Variants in ANKRD28 observed in about 807,000 individuals in gnomAD.
ANKRD28 encodes the protein serine/threonine-protein phosphatase 6 regulatory ankyrin repeat subunit A.
A neutral mutation model predicts 126.5 loss-of-function variants in ANKRD28; 44 were observed. The ratio of observed to expected loss-of-function variants is 0.35; its 90% CI spans 0.27 to 0.45. The LOEUF (loss-of-function observed/expected upper bound fraction) is 0.45, where lower values mean the gene tolerates loss of function less well. ANKRD28 is among the 20% of genes least tolerant of loss of function. The pLI, the probability that ANKRD28 is intolerant of heterozygous loss-of-function variation, is 1.00. For synonymous variants in ANKRD28, 442 were observed against 468.5 expected (o/e 0.94, Z 0.73); for missense variants, 1,110 against 1,316.6 (o/e 0.84, Z 2.43).
intron 2 of ANKRD28, among the ~76,000 whole-genome samples, chr3:15,777,885 CA>C (rs1575642498): frequency 9.9e-5 from 15 of 151,460 alleles, no homozygotes; most frequent in East Asian, 7.8e-4. Context: ...CACACACACA[CA>C]CACACACACA....
intron 14 of ANKRD28, among the ~76,000 whole-genome samples, chr3:15,697,605 T>G (rs957575879): frequency 6.6e-6 from 1 of 151,782 alleles, no homozygotes; most frequent in Non-Finnish European, 1.5e-5. Flanking sequence ...TGAAGCCGAG[T>G]TGATTGTGGT....
intron 1 of ANKRD28, among the ~76,000 whole-genome samples, chr3:15,811,932 T>A (rs1435528819): frequency 6.6e-6 from 1 of 150,958 alleles, no homozygotes; most frequent in Non-Finnish European, 1.5e-5. Flanking sequence ...GGTGGGTGGA[T>A]CACTTCAGTT....
chr3:15,859,188 C>A (rs1322874044), intron 1 of ANKRD28, among the ~76,000 whole-genome samples: 5 of 152,236 alleles, frequency 3.3e-5, no homozygotes, highest in Non-Finnish European at 5.9e-5. Context: ...CACCCAGGCC[C>A]CGGCAGCTCT....
intron 3 of ANKRD28, among the ~76,000 whole-genome samples, chr3:15,752,236 C>T (rs768090081): frequency 3.3e-5 from 5 of 151,966 alleles, no homozygotes; most frequent in Non-Finnish European, 4.4e-5. Flanking sequence ...GAATATATCA[C>T]GCCATAAGGT....
At chr3:15,773,613 T>C (rs1311960757) in intron 2 of ANKRD28, among the ~76,000 whole-genome samples, 1 of 151,460 alleles carries the variant, frequency 6.6e-6, no homozygotes, top group Non-Finnish European at 1.5e-5. Context: ...TAAGACTCCA[T>C]GTCAAAAAAG....
rs760722514 is a variant in ANKRD28, at chr3:15,815,974, C to A, written c.28-20668G>T. On this transcript the variant is annotated intron_variant, in intron 1 of 27. Transcript: ENST00000399451. This position sits in a 1 kb window ranked among gnomAD's most constrained non-coding sequence, Gnocchi z 4.1. ...TCTTCCCTGAGTCATGTATTTTAAA[C>A]AAAGGTTTCAAATAGAAGAGGCTTT... 1.8e-4 allele frequency among the ~76,000 whole-genome samples: 27 copies of A among 152,086 alleles called. No homozygotes were observed. The highest frequency in any genetic ancestry group is 3.5e-4 in the Non-Finnish European group (24 of 68,008).
chr3:15,803,079 TAGAG>T (rs2060496930), intron 1 of ANKRD28, among the ~76,000 whole-genome samples: 1 of 152,210 alleles, frequency 6.6e-6, no homozygotes, highest in Non-Finnish European at 1.5e-5. Flanking sequence ...GGTCATGTGA[TAGAG>T]AGGCCTTGTA....
intron 18 of ANKRD28, among the ~76,000 whole-genome samples, chr3:15,688,768 T>C (rs2068442634): frequency 6.6e-6 from 1 of 152,230 alleles, no homozygotes; most frequent in African/African-American, 2.4e-5. Context: ...TAGCAAGTCA[T>C]TTAACTGACT....
rs2125559838 is a variant in ANKRD28 at position 15,668,786 on chromosome 3, T to G, written c.*1484A>C. The G allele has an allele frequency of 6.5e-6, 1 of 152,770 alleles. No homozygotes were observed. Among genetic ancestry groups the G allele is most frequent in the Admixed American group, 6.5e-5 (1 of 15,302 alleles). 9.5% of individuals were successfully genotyped at this position (152,770 alleles called of 1,614,324 possible). A position where few individuals can be genotyped will look rare whatever the true frequency, so the allele number is the denominator to read the frequency against. The stretch of plus-strand genomic sequence containing the variant: ...AAAATACTGTTCTGTGTTTTCACAC[T>G]TTATATTCAGAAAAACCAGCTGATA... On this transcript the variant is annotated 3_prime_UTR_variant, in exon 28 of 28. Coordinates refer to ENST00000683139, the MANE Select transcript of ANKRD28 (RefSeq NM_001349278.2).
At chr3:15,818,628 T>C (rs1169846917) in intron 1 of ANKRD28, among the ~76,000 whole-genome samples, 1 of 152,096 alleles carries the variant, frequency 6.6e-6, no homozygotes, top group African/African-American at 2.4e-5. Context: ...AATAATAAAA[T>C]AGAACAATTT....
At chr3:15,713,376 C>T in intron 10 of ANKRD28, 151 bp downstream of exon 10, 1 of 578,706 alleles carries the variant, frequency 1.7e-6, no homozygotes, top group South Asian at 2.3e-5. Context: ...ACATTTTAAC[C>T]TACCACTTTG....
rs1037721200 is a variant in ANKRD28 at position 15,846,239 on chromosome 3, T to C, written c.27+13138A>G. Among the ~76,000 whole-genome samples, 3 of 152,198 alleles carry C rather than the reference T, an allele frequency of 2.0e-5. No individual in the cohort carries two copies. Among genetic ancestry groups the C allele is most frequent in the Non-Finnish European group, 2.9e-5 (2 of 68,038 alleles). ...GAAAGATACAATGGAGGTACAGGCA[T>C]TGGGTAAACGTTCCTGTTCCAATGG... On this transcript the variant is annotated intron_variant, in intron 1 of 27. Coordinates refer to the ANKRD28 transcript ENST00000399451. The surrounding 1 kb of genome is among the most constrained non-coding windows in gnomAD (Gnocchi z 5.4).
At chr3:15,811,905 G>A (rs1319564796) in intron 1 of ANKRD28, among the ~76,000 whole-genome samples, 1 of 151,816 alleles carries the variant, frequency 6.6e-6, no homozygotes, top group African/African-American at 2.4e-5. Flanking sequence ...TGTAATCCCA[G>A]CACTTTGGGA....
chr3:15,759,214 G>T (rs1267342445), intron 3 of ANKRD28, among the ~76,000 whole-genome samples: 4 of 152,174 alleles, frequency 2.6e-5, no homozygotes, highest in African/African-American at 9.7e-5. Context: ...TAAGAACACG[G>T]ATTCTGTAGT....
chr3:15,721,590 GATTTA>G (rs2073738517), intron 7 of ANKRD28, among the ~76,000 whole-genome samples: 1 of 151,808 alleles, frequency 6.6e-6, no homozygotes, highest in African/African-American at 2.4e-5. Context: ...TACAGATCAA[GATTTA>G]AAAAAAAATG....
chr3:15,760,372 C>G (rs558331465), intron 3 of ANKRD28, among the ~76,000 whole-genome samples: 1 of 152,154 alleles, frequency 6.6e-6, no homozygotes, highest in Non-Finnish European at 1.5e-5. Flanking sequence ...TATAACACAC[C>G]TGTGCATGTA....
At chr3:15,758,667 C>T (rs2125455552) in intron 3 of ANKRD28, among the ~76,000 whole-genome samples, 1 of 152,252 alleles carries the variant, frequency 6.6e-6, no homozygotes, top group South Asian at 2.1e-4. Flanking sequence ...TCTCAGCCTT[C>T]CAAAGGAATC....
At chr3:15,750,152 G>A (rs976068207) in intron 4 of ANKRD28, among the ~76,000 whole-genome samples, 6 of 152,046 alleles carry the variant, frequency 3.9e-5, no homozygotes, top group Non-Finnish European at 8.8e-5. Flanking sequence ...TACAACTTCT[G>A]CAAATATATA....
chr3:15,686,100 C>T lies in ANKRD28; in HGVS notation c.2071G>A (p.Val691Ile). Residue 691 changes from valine (V) to isoleucine (I), a missense_variant, in exon 20 of 28, where the codon GTT becomes ATT. Coordinates refer to ENST00000683139, the MANE Select transcript of ANKRD28 (RefSeq NM_001349278.2). ...GNGQTPLMLS[V>I]LNGHTDCVYS... ...ACACAGTCTGTGTGCCCGTTGAGAA[C>T]AGATAGCATCAGAGGCGTCCTGAGC... 6.2e-7 allele frequency: 1 copy of T among 1,613,190 alleles called. No homozygotes were observed. The highest frequency in any genetic ancestry group is 2.2e-5 in the East Asian group (1 of 44,846).
Sources: allele counts gnomAD v4.1 joint callset (sites outside exome capture counted in the v4.1 genomes callset), GRCh38; gene constraint gnomAD v4.1.1; non-coding constraint Gnocchi (gnomAD v3.1); transcripts MANE v1.5; gene names NCBI Gene and HGNC (gene_info 2026-07-23, HGNC 2026-07-21).